MAP3K2: variants seen among roughly 807,000 people sequenced by gnomAD.
MAP3K2 encodes the protein MAP/ERK kinase kinase 2.
A neutral mutation model predicts 80.3 loss-of-function variants in MAP3K2; 24 were observed. The ratio of observed to expected loss-of-function variants is 0.30; its 90% confidence interval spans 0.22 to 0.42. The LOEUF (loss-of-function observed/expected upper bound fraction) is 0.42, where lower values mean the gene tolerates loss of function less well. MAP3K2 is among the 10% of genes least tolerant of loss of function. The pLI is 1.00. For synonymous variants in MAP3K2, 244 were observed against 253.7 expected (o/e 0.96, Z 0.36); for missense variants, 608 against 750.1 (o/e 0.81, Z 2.21).
rs142756831 is a variant in MAP3K2 at position 127,337,909 on chromosome 2, T to G, written c.124-131A>C. 8.2e-4 allele frequency: 444 copies of G among 541,662 alleles called. 1 individual carries two copies. The highest frequency in any genetic ancestry group is 7.5e-3 in the African/African-American group (384 of 51,116). 33.6% of individuals were successfully genotyped at this position (541,662 alleles called of 1,614,324 possible). A position where few individuals can be genotyped will look rare whatever the true frequency, so the allele number is the denominator to read the frequency against. On this transcript the variant is annotated intron_variant, in intron 3 of 16. Transcript: ENST00000682094. Reference sequence around the variant, plus strand: ...TAAAATAGACCAGACGAGGAGGGAATTTTGAAGTTCTGTACCAGCTCCAAA... The same window carrying G: ...TAAAATAGACCAGACGAGGAGGGAAGTTTGAAGTTCTGTACCAGCTCCAAA...
At chr2:127,352,770 T>C (rs1686716166) in intron 1 of MAP3K2, among the ~76,000 whole-genome samples, 1 of 151,098 alleles carries the variant, frequency 6.6e-6, no homozygotes, top group Admixed American at 6.6e-5. Flanking sequence ...ACTGTACTGC[T>C]GCCATCTCGG....
intron 1 of MAP3K2, among the ~76,000 whole-genome samples, chr2:127,357,162 T>G (rs1179229410): frequency 2.0e-5 from 3 of 152,164 alleles, no homozygotes; most frequent in African/African-American, 7.2e-5. Flanking sequence ...ATCAAAGACC[T>G]ATAAATTGAA....
At position 127,387,657 on chromosome 2, in the gene MAP3K2, G is replaced by C; in HGVS notation, c.-271C>G. 1.0e-6 allele frequency: 1 copy of C among 985,162 alleles called. No individual in the cohort carries two copies. Among genetic ancestry groups the C allele is most frequent in the Non-Finnish European group, 1.2e-6 (1 of 829,858 alleles). 61.0% of individuals were successfully genotyped at this position (985,162 alleles called of 1,614,324 possible). ...CCTCTTTCACATGAAGCCCGGGCCG[G>C]GCGGGGTGGCGGGCGCGTGAATCCT... On this transcript the variant is annotated 5_prime_UTR_variant, in exon 1 of 17. Transcript: ENST00000682094.
chr2:127,381,129 G>C (rs1019981538), intron 1 of MAP3K2, among the ~76,000 whole-genome samples: 1 of 152,120 alleles, frequency 6.6e-6, no homozygotes, highest in Non-Finnish European at 1.5e-5. Flanking sequence ...AACCTCCTGA[G>C]TAGTTGAGGC....
chr2:127,356,863 CAAAAAT>C (rs1686806633), intron 1 of MAP3K2, among the ~76,000 whole-genome samples: 1 of 152,042 alleles, frequency 6.6e-6, no homozygotes, highest in South Asian at 2.1e-4. Flanking sequence ...GCAACAAAAA[CAAAAAT>C]AGACAGACGG....
At chr2:127,313,725 T>G (rs1685850685) in intron 15 of MAP3K2, among the ~76,000 whole-genome samples, 1 of 152,138 alleles carries the variant, frequency 6.6e-6, no homozygotes, top group African/African-American at 2.4e-5. Flanking sequence ...CATCATAGAG[T>G]GTATTTACAC....
chr2:127,354,990 CAAT>C (rs1195949591), intron 1 of MAP3K2, among the ~76,000 whole-genome samples: 1 of 151,876 alleles, frequency 6.6e-6, no homozygotes, highest in African/African-American at 2.4e-5. Flanking sequence ...TTAGTAAACA[CAAT>C]AATGATGACA....
chr2:127,334,392 T>A (rs1686324335), intron 5 of MAP3K2, among the ~76,000 whole-genome samples: 1 of 152,214 alleles, frequency 6.6e-6, no homozygotes, highest in South Asian at 2.1e-4. Context: ...GGCTCCCCTA[T>A]AATCATCCTA....
intron 1 of MAP3K2, among the ~76,000 whole-genome samples, chr2:127,377,048 G>T (rs932731737): frequency 6.6e-6 from 1 of 150,908 alleles, no homozygotes; most frequent in Admixed American, 6.6e-5. Context: ...ATGATAGAGC[G>T]AGATCCTGTC....
rs2104849857 is a variant in MAP3K2, at chr2:127,343,211, G to T, written c.-65-17C>A. Reference sequence around the variant, plus strand: ...CTTTATGGCCTGAGAAGATAAAACAGATCAGCATATTAATAAAAAGAAACA... The same window carrying T: ...CTTTATGGCCTGAGAAGATAAAACATATCAGCATATTAATAAAAAGAAACA... On this transcript the variant is annotated splice_polypyrimidine_tract_variant and intron_variant, in intron 1 of 16. Coordinates refer to ENST00000682094, the MANE Select transcript of MAP3K2 (RefSeq NM_001371910.2). 3.1e-6 allele frequency: 3 copies of T among 976,274 alleles called. No individual in the cohort carries two copies. Among genetic ancestry groups the T allele is most frequent in the South Asian group, 1.7e-5 (1 of 58,530 alleles). 60.5% of individuals were successfully genotyped at this position (976,274 alleles called of 1,614,324 possible).
rs1255554461 is a variant in MAP3K2, at chr2:127,330,399, C to G, written c.371G>C (p.Ser124Thr). ...SLKILLVING[S>T]TQATNLEPLP... ...AAATATCCCAAATCATACCTGTGTA[C>G]TTCCATTTATTACAAGTAATATCTT... The change falls in exon 6 of 17, where the codon AGT (serine) becomes ACT (threonine). Residue 124 changes from serine to threonine, a missense_variant. Physicochemically the swap from Ser to Thr is moderately conservative, Grantham distance 58. Around this residue, in one of 4 missense-constraint regions of MAP3K2, gnomAD observed 467 missense variants for 521.9 expected, o/e 0.89. Coordinates refer to ENST00000682094, the MANE Select transcript of MAP3K2 (RefSeq NM_001371910.2). 6.4e-7 allele frequency: 1 copy of G among 1,556,604 alleles called. No homozygotes were observed. Among genetic ancestry groups the G allele is most frequent in the East Asian group, 2.3e-5 (1 of 44,134 alleles).
At chr2:127,342,810 T>C (rs185225413) in intron 2 of MAP3K2, among the ~76,000 whole-genome samples, 2 of 152,308 alleles carry the variant, frequency 1.3e-5, no homozygotes, top group South Asian at 2.1e-4. Flanking sequence ...ACCAATGATT[T>C]GCTGCTCTAT....
At chr2:127,376,941 G>A (rs1467014437) in intron 1 of MAP3K2, among the ~76,000 whole-genome samples, 5 of 151,896 alleles carry the variant, frequency 3.3e-5, no homozygotes, top group African/African-American at 1.2e-4. Context: ...TGTGCCTGTA[G>A]TCCCAGCTAC....
rs533793669 is a variant in MAP3K2, at chr2:127,359,207, T to C, written c.-65-16013A>G. Among the ~76,000 whole-genome samples, 7 of 152,296 alleles carry C rather than the reference T, an allele frequency of 4.6e-5. No individual in the cohort carries two copies. The South Asian group carries it at 1.5e-3, about 32-fold the overall frequency. On this transcript the variant is annotated intron_variant, in intron 1 of 16. Transcript: ENST00000682094. ...TCTAATGTAAATTATGGACTTTAGT[T>C]TACAATAATGCCTCATTATTTGCTC...
chr2:127,384,929 C>T (rs906299169), intron 1 of MAP3K2, among the ~76,000 whole-genome samples: 3 of 152,136 alleles, frequency 2.0e-5, no homozygotes, highest in East Asian at 1.9e-4. Context: ...GACCCCATTA[C>T]GCCTGGACAG....
intron 1 of MAP3K2, among the ~76,000 whole-genome samples, chr2:127,349,787 T>C (rs1032240060): frequency 2.0e-5 from 3 of 152,266 alleles, no homozygotes; most frequent in East Asian, 3.9e-4. Flanking sequence ...CATATGCACA[T>C]AGAGAAAGTC....
In MAP3K2 at chr2:127,307,432, A is replaced by C. The variant is rs539495411; in HGVS notation, c.*147T>G. On this transcript the variant is annotated 3_prime_UTR_variant, in exon 17 of 17. Transcript: ENST00000682094. The surrounding 1 kb of genome is among the most constrained non-coding windows in gnomAD (Gnocchi z 5.4). Reference sequence around the variant, plus strand: ...TTAGGATATTATTATTATTAAACAAATTTAACCAAGAATCAAGAGAAATAC... The same window carrying C: ...TTAGGATATTATTATTATTAAACAACTTTAACCAAGAATCAAGAGAAATAC... 89 of 458,900 alleles carry C rather than the reference A, an allele frequency of 1.9e-4. No individual in the cohort carries two copies. Among genetic ancestry groups the C allele is most frequent in the Non-Finnish European group, 3.3e-4 (85 of 258,092 alleles). 28.4% of individuals were successfully genotyped at this position (458,900 alleles called of 1,614,324 possible).
rs534928560 is a variant in MAP3K2, at chr2:127,341,071, G to T, written c.5-2021C>A. 7.2e-4 allele frequency among the ~76,000 whole-genome samples: 110 copies of T among 152,036 alleles called. 1 individual carries two copies. The highest frequency in any genetic ancestry group is 3.4e-3 in the Middle Eastern group (1 of 294). On this transcript the variant is annotated intron_variant, in intron 2 of 16. Transcript: ENST00000682094. ...GTGGCGCCATCTCGGCTCACTGCAA[G>T]CTCCACTTCCCGGGTTCACACCATT...
chr2:127,348,836 A>G (rs2104856815), intron 1 of MAP3K2, among the ~76,000 whole-genome samples: 1 of 152,320 alleles, frequency 6.6e-6, no homozygotes, highest in Admixed American at 6.5e-5. Context: ...TTGCTCACCT[A>G]GAGAAGCAAC....
Sources: allele counts gnomAD v4.1 joint callset (sites outside exome capture counted in the v4.1 genomes callset), GRCh38; gene constraint gnomAD v4.1.1; regional missense constraint gnomAD v4.1.1; non-coding constraint Gnocchi (gnomAD v3.1); transcripts MANE v1.5; gene names NCBI Gene and HGNC (gene_info 2026-07-23, HGNC 2026-07-21).